The following SPRED1 variants were observed in gnomAD, a reference collection of about 807,000 sequenced individuals.
SPRED1 encodes sprouty related EVH1 domain containing 1.
Under a neutral mutation model 52.3 loss-of-function variants are expected in SPRED1, and 18 were observed. That is an observed-to-expected ratio of 0.34 (90% CI 0.24 to 0.51). The LOEUF is 0.51. SPRED1 is among the 20% of genes least tolerant of loss of function. The pLI, the probability that SPRED1 is intolerant of heterozygous loss-of-function variation, is 0.97. For synonymous variants in SPRED1, 155 were observed against 179.7 expected, an observed-to-expected ratio of 0.86 and a Z score of 1.10; for missense variants, 485 against 551.0, an observed-to-expected ratio of 0.88 and a Z score of 1.20.
At chr15:38,338,544 A>G (rs901430836) in intron 4 of SPRED1, among the ~76,000 whole-genome samples, 2 of 152,110 alleles carry the variant, frequency 1.3e-5, no homozygotes, top group African/African-American at 4.8e-5. Flanking sequence ...AAATTGGGTA[A>G]AAATAGCAGC....
At chr15:38,298,453 T>C (rs1895081063) in intron 1 of SPRED1, 1 of 271,794 alleles carries the variant, frequency 3.7e-6, no homozygotes, top group Non-Finnish European at 7.0e-6. Context: ...TCCAAATGCC[T>C]GTCCATGTAA....
intron 2 of SPRED1, among the ~76,000 whole-genome samples, chr15:38,304,894 T>C (rs1423344831): frequency 6.6e-6 from 1 of 152,224 alleles, no homozygotes; most frequent in Non-Finnish European, 1.5e-5. Context: ...TTTTCTTTTT[T>C]AATTTAATCT....
In SPRED1 at chr15:38,322,154, C is replaced by T. The variant is rs372827979; in HGVS notation, c.208-87C>T. 192 of 1,262,282 alleles carry T rather than the reference C, an allele frequency of 1.5e-4. No homozygotes were observed. In the African/African-American group the frequency reaches 2.3e-3, roughly 15 times the overall value. 78.2% of individuals were successfully genotyped at this position (1,262,282 alleles called of 1,614,324 possible). On this transcript the variant is annotated intron_variant, in intron 2 of 6. Coordinates refer to ENST00000299084, the MANE Select transcript of SPRED1 (RefSeq NM_152594.3). ...AAAATTATTCATTAAAAAGTAATAG[C>T]GTTGTATCACCTCAGTTTGTATTTA... is the stretch of plus-strand genomic sequence containing the variant.
intron 2 of SPRED1, among the ~76,000 whole-genome samples, chr15:38,311,288 A>G (rs1230444033): frequency 1.3e-5 from 2 of 152,170 alleles, no homozygotes; most frequent in African/African-American, 2.4e-5. Context: ...GTCATGGTGT[A>G]TAATTTTTGA....
intron 3 of SPRED1, among the ~76,000 whole-genome samples, chr15:38,324,486 A>G (rs1895669347): frequency 6.6e-6 from 1 of 152,196 alleles, no homozygotes; most frequent in African/African-American, 2.4e-5. Context: ...TTTGGGAGAA[A>G]CTAGGGGCAG....
chr15:38,281,744 A>G (rs1167036538), intron 1 of SPRED1, among the ~76,000 whole-genome samples: 2 of 150,860 alleles, frequency 1.3e-5, no homozygotes, highest in African/African-American at 4.9e-5. Flanking sequence ...TTACATTTCC[A>G]CCCTTTGAGA....
At chr15:38,324,891 A>G (rs1265923737) in intron 4 of SPRED1, 82 bp downstream of exon 4, 3 of 1,128,086 alleles carry the variant, frequency 2.7e-6, no homozygotes, top group Non-Finnish European at 4.0e-6. Context: ...CTTATCAATT[A>G]CTAAGAATAT....
chr15:38,356,756 T>A lies in SPRED1; in HGVS notation c.*5092T>A, dbSNP rs887711774. 7.2e-5 allele frequency: 11 copies of A among 151,968 alleles called. No individual in the cohort carries two copies. Among genetic ancestry groups the A allele is most frequent in the Non-Finnish European group, 1.3e-4 (9 of 67,980 alleles). 9.4% of individuals were successfully genotyped at this position (151,968 alleles called of 1,614,324 possible). On this transcript the variant is annotated 3_prime_UTR_variant, in exon 7 of 7. Coordinates refer to ENST00000299084, the MANE Select transcript of SPRED1 (RefSeq NM_152594.3). ...TAACCCAGGACTACTGATTTTTTTA[T>A]ATTCAAGTCAGTTTCATCGTTTTAC...
intron 5 of SPRED1, among the ~76,000 whole-genome samples, chr15:38,344,577 A>G (rs997291713): frequency 6.6e-6 from 1 of 152,188 alleles, no homozygotes. Context: ...CATGGCCTCT[A>G]GAGCTATTCT....
At chr15:38,299,087 C>T (rs137939714) in intron 1 of SPRED1, among the ~76,000 whole-genome samples, 457 of 152,238 alleles carry the variant, frequency 3.0e-3, no homozygotes, top group South Asian at 0.019. Context: ...CAACTTGTTC[C>T]GTGGCAATCA....
At chr15:38,346,870 T>C (rs1486065467) in intron 5 of SPRED1, among the ~76,000 whole-genome samples, 3 of 152,210 alleles carry the variant, frequency 2.0e-5, no homozygotes, top group Non-Finnish European at 2.9e-5. Context: ...TTTGAAAGAC[T>C]TCGGAAATAA....
At chr15:38,279,426 A>G (rs1468411201) in intron 1 of SPRED1, among the ~76,000 whole-genome samples, 1 of 152,178 alleles carries the variant, frequency 6.6e-6, no homozygotes, top group Admixed American at 6.5e-5. Flanking sequence ...GCAGAATATT[A>G]TTTCTTGTTT....
At chr15:38,299,244 A>C in intron 1 of SPRED1, 129 bp from the exon 2 acceptor site, 2 of 1,030,452 alleles carry the variant, frequency 1.9e-6, no homozygotes, top group Non-Finnish European at 3.0e-6. Flanking sequence ...GTAGATTTTC[A>C]TGGAAGTAGT....
chr15:38,352,909 T>A lies in SPRED1; in HGVS notation c.*1245T>A, dbSNP rs1817814391. 1 of 152,290 alleles carries A rather than the reference T, an allele frequency of 6.6e-6. No individual in the cohort carries two copies. Among genetic ancestry groups the A allele is most frequent in the East Asian group, 1.9e-4 (1 of 5,192 alleles). 9.4% of individuals were successfully genotyped at this position (152,290 alleles called of 1,614,324 possible). On this transcript the variant is annotated 3_prime_UTR_variant, in exon 7 of 7. Coordinates refer to ENST00000299084, the MANE Select transcript of SPRED1 (RefSeq NM_152594.3). ...TTAATCCAACATTGTAAATGAAGTA[T>A]CTTGTACATATAAATTTATTTCTTT...
Position 38,253,235 on chromosome 15 carries a change from C to T in SPRED1, c.32+18C>T, listed in dbSNP as rs768482785. ...GACAACGAGTAAGCGCCTCATTGAT[C>T]TCGATTGCTAATCCCCCTCCCCCTA... is the stretch of plus-strand genomic sequence containing the variant. On this transcript the variant is annotated intron_variant, in intron 1 of 6. Coordinates refer to ENST00000299084, the MANE Select transcript of SPRED1 (RefSeq NM_152594.3). The T allele has an allele frequency of 1.0e-5, 16 of 1,566,690 alleles. No homozygotes were observed. The South Asian group carries it at 1.8e-4, about 17-fold the overall frequency.
chr15:38,325,305 A>C (rs371860889), intron 4 of SPRED1, among the ~76,000 whole-genome samples: 1 of 152,222 alleles, frequency 6.6e-6, no homozygotes, highest in East Asian at 1.9e-4. Flanking sequence ...AAGGTGTATA[A>C]ACATAAATTT....
chr15:38,274,063 C>T (rs1394430621), intron 1 of SPRED1, among the ~76,000 whole-genome samples: 2 of 152,122 alleles, frequency 1.3e-5, no homozygotes, highest in Non-Finnish European at 2.9e-5. Flanking sequence ...TAATTATGAG[C>T]GAGTCCTCCT....
At chr15:38,346,029 G>A (rs1281021722) in intron 5 of SPRED1, among the ~76,000 whole-genome samples, 1 of 152,106 alleles carries the variant, frequency 6.6e-6, no homozygotes, top group Non-Finnish European at 1.5e-5. Flanking sequence ...GTTTTTTAAT[G>A]CTTTGAAGAG....
chr15:38,322,878 CAGAGACCACA>C (rs1046315459), intron 3 of SPRED1, among the ~76,000 whole-genome samples: 60 of 152,078 alleles, frequency 3.9e-4, no homozygotes, highest in African/African-American at 1.4e-3. Flanking sequence ...TGAGGATTGG[CAGAGACCACA>C]AGCTCATCTA....
Sources: gnomAD v4.1 joint callset for allele counts (sites outside exome capture counted in the v4.1 genomes callset) on GRCh38, gnomAD v4.1.1 for gene constraint, MANE v1.5 for transcripts, NCBI Gene and HGNC (gene_info 2026-07-23, HGNC 2026-07-21) for gene names.